Variants in GPM6A observed in about 807,000 individuals in gnomAD.
GPM6A encodes neuronal membrane glycoprotein M6-a.
Under a neutral mutation model 32.1 loss-of-function variants are expected in GPM6A, and 7 were observed. The ratio of observed to expected loss-of-function variants is 0.22; its 90% CI spans 0.12 to 0.41. The LOEUF (loss-of-function observed/expected upper bound fraction) is 0.41, where lower values mean the gene tolerates loss of function less well. Among genes scored for constraint, GPM6A ranks in the 10% least tolerant of loss-of-function variants. GPM6A has a pLI of 1.00. For missense variants in GPM6A, 235 were observed against 347.2 expected, an observed-to-expected ratio of 0.68 and a Z score of 2.57; for synonymous variants, 130 against 123.4, an observed-to-expected ratio of 1.05 and a Z score of -0.35.
chr4:175,775,331 G>A (rs989007977), intron 1 of GPM6A, among the ~76,000 whole-genome samples: 1 of 152,012 alleles, frequency 6.6e-6, no homozygotes, highest in Non-Finnish European at 1.5e-5. Context: ...GCTGAAAGAC[G>A]CAAATGGGAA....
intron 2 of GPM6A, among the ~76,000 whole-genome samples, chr4:175,690,791 T>C (rs1744253084): frequency 6.6e-6 from 1 of 152,164 alleles, no homozygotes; most frequent in South Asian, 2.1e-4. Flanking sequence ...TCAAAGTCTG[T>C]TTTGCCATAA....
At chr4:175,979,988 T>A (rs1740774651) in intron 1 of GPM6A, among the ~76,000 whole-genome samples, 1 of 152,232 alleles carries the variant, frequency 6.6e-6, no homozygotes, top group African/African-American at 2.4e-5. Context: ...ATGAAATTTA[T>A]AACAGCTAAT....
rs1735748868 is a variant in GPM6A, at chr4:175,835,739, A to G, written c.-22-23490T>C. On this transcript the variant is annotated intron_variant, in intron 1 of 7. Transcript: ENST00000280187. Reference sequence around the variant, plus strand: ...AGTACATATTAACTATATATAATATATTATTTTTTCAAATAATTATATTTA... The same window carrying G: ...AGTACATATTAACTATATATAATATGTTATTTTTTCAAATAATTATATTTA... Among the ~76,000 whole-genome samples, 4 of 147,158 alleles carry G rather than the reference A, an allele frequency of 2.7e-5. No individual in the cohort carries two copies. The South Asian group carries it at 8.3e-4, about 31-fold the overall frequency.
chr4:175,930,796 A>T (rs1739014785), intron 1 of GPM6A, among the ~76,000 whole-genome samples: 1 of 152,116 alleles, frequency 6.6e-6, no homozygotes, highest in South Asian at 2.1e-4. Flanking sequence ...ATTTCTTCTC[A>T]GTTAATATTA....
intron 1 of GPM6A, among the ~76,000 whole-genome samples, chr4:175,862,291 C>G (rs1736597379): frequency 6.6e-6 from 1 of 152,178 alleles, no homozygotes; most frequent in Non-Finnish European, 1.5e-5. Flanking sequence ...CTGCCAGACC[C>G]CTTGAGGTCA....
upstream of GPM6A, chr4:175,812,309 T>TG: frequency 1.8e-6 from 2 of 1,111,160 alleles, no homozygotes; most frequent in Non-Finnish European, 2.3e-6. Context: ...GGGTTTTTTT[T>TG]TTTTTTTTTT....
At chr4:175,980,464 A>T (rs1740788384) in intron 1 of GPM6A, among the ~76,000 whole-genome samples, 1 of 152,172 alleles carries the variant, frequency 6.6e-6, no homozygotes, top group Admixed American at 6.5e-5. Flanking sequence ...TAGAAGTATG[A>T]CTATTTAGCT....
chr4:175,881,854 G>GT (rs201999785), intron 1 of GPM6A, among the ~76,000 whole-genome samples: 7 of 149,198 alleles, frequency 4.7e-5, no homozygotes, highest in African/African-American at 1.8e-4. Context: ...GGTGGGAGGA[G>GT]GGGGAGGGAT....
At chr4:175,941,930 T>C (rs1739425507) in intron 1 of GPM6A, among the ~76,000 whole-genome samples, 1 of 152,226 alleles carries the variant, frequency 6.6e-6, no homozygotes, top group Non-Finnish European at 1.5e-5. Flanking sequence ...GTATTTCTGG[T>C]TCTAGATCCT....
At chr4:175,773,067 C>G (rs192795622) in intron 1 of GPM6A, among the ~76,000 whole-genome samples, 22 of 152,298 alleles carry the variant, frequency 1.4e-4, no homozygotes, top group Admixed American at 3.9e-4. Context: ...AAAACCTCAT[C>G]CAATGATGTT....
At chr4:175,842,527 A>G (rs1356342940) in intron 1 of GPM6A, among the ~76,000 whole-genome samples, 1 of 152,132 alleles carries the variant, frequency 6.6e-6, no homozygotes, top group Non-Finnish European at 1.5e-5. Context: ...GTTTGAGACC[A>G]GCCTGGGCAA....
At chr4:175,677,686 G>T (rs1474394067) in intron 2 of GPM6A, among the ~76,000 whole-genome samples, 1 of 151,966 alleles carries the variant, frequency 6.6e-6, no homozygotes, top group African/African-American at 2.4e-5. Flanking sequence ...GATCATTCTG[G>T]TTCTAAAAAT....
At chr4:175,828,610 G>A (rs146964219) in intron 1 of GPM6A, among the ~76,000 whole-genome samples, 83 of 152,164 alleles carry the variant, frequency 5.5e-4, no homozygotes, top group Middle Eastern at 3.4e-3. Flanking sequence ...AATAAAATTA[G>A]CTTAATTGCT....
At chr4:175,893,910 T>C (rs538020089) in intron 1 of GPM6A, among the ~76,000 whole-genome samples, 2 of 152,256 alleles carry the variant, frequency 1.3e-5, no homozygotes, top group South Asian at 2.1e-4. Context: ...ATTAACAAAA[T>C]GATATAAAAT....
chr4:175,665,458 T>A (rs1428803909), intron 3 of GPM6A, among the ~76,000 whole-genome samples: 1 of 151,696 alleles, frequency 6.6e-6, no homozygotes, highest in East Asian at 1.9e-4. Flanking sequence ...GAAAACAAAA[T>A]TCAAATAAAG....
At chr4:175,811,948 C>T (rs1024368924) in intron 1 of GPM6A, 2 of 384,580 alleles carry the variant, frequency 5.2e-6, no homozygotes, top group Non-Finnish European at 4.6e-6. Context: ...CACTACAATA[C>T]CGCAATGCTC....
At chr4:175,964,524 T>C (rs1740274010) in intron 1 of GPM6A, among the ~76,000 whole-genome samples, 1 of 152,200 alleles carries the variant, frequency 6.6e-6, no homozygotes, top group Admixed American at 6.5e-5. Flanking sequence ...TCTGAGTTCT[T>C]TCTCCTTGGC....
upstream of GPM6A, among the ~76,000 whole-genome samples, chr4:175,815,718 C>CTTTTTTTTTTTTTTTTTTTTTTTTTTGT (rs60711329): frequency 7.9e-6 from 1 of 127,118 alleles, no homozygotes. Context: ...TTTTTCTTTT[C>CTTTTTTTTTTTTTTTTTTTTTTTTTTGT]TTTTTTTTTT....
intron 2 of GPM6A, among the ~76,000 whole-genome samples, chr4:175,675,245 A>G (rs1287538798): frequency 6.6e-6 from 1 of 150,652 alleles, no homozygotes; most frequent in African/African-American, 2.4e-5. Context: ...ATATGTATAT[A>G]TGTATATATA....
Sources: gnomAD v4.1 joint callset for allele counts (sites outside exome capture counted in the v4.1 genomes callset) on GRCh38, gnomAD v4.1.1 for gene constraint, MANE v1.5 for transcripts, NCBI Gene and HGNC (gene_info 2026-07-23, HGNC 2026-07-21) for gene names.